The following WDPCP variants were observed in gnomAD, a reference collection of about 807,000 sequenced individuals.
WDPCP encodes WD repeat-containing and planar cell polarity effector protein fritz homolog.
In WDPCP, 71 loss-of-function variants were observed where a neutral mutation model predicts 93.1. That is an observed-to-expected ratio of 0.76 (90% confidence interval 0.63 to 0.93). The LOEUF (loss-of-function observed/expected upper bound fraction) is 0.93. WDPCP is among the 40% of genes least tolerant of loss of function. WDPCP has a pLI of 0.00. For missense variants in WDPCP, 844 were observed against 887.4 expected, an observed-to-expected ratio of 0.95 and a Z score of 0.62; for synonymous variants, 315 against 315.0, an observed-to-expected ratio of 1.00 and a Z score of 0.00.
chr2:63,229,869 ATGC>A (rs34000295), intron 14 of WDPCP: 15,348 of 156,004 alleles, frequency 0.098, 871 homozygotes, highest in South Asian at 0.13. Context: ...AGGTAGCATG[ATGC>A]CTTGTTCTCC....
intron 2 of WDPCP, among the ~76,000 whole-genome samples, chr2:63,670,508 C>T (rs1441168377): frequency 1.3e-5 from 2 of 152,078 alleles, no homozygotes; most frequent in Non-Finnish European, 2.9e-5. Flanking sequence ...CCTTGAATGC[C>T]AGGTCTGGGA....
chr2:63,219,840 T>A lies in WDPCP; in HGVS notation c.1915+39467A>T, dbSNP rs1677665403. On this transcript the variant is annotated intron_variant, in intron 14 of 17. Transcript: ENST00000272321. ...CAATATGGTGAAACCCAATCTCTAC[T>A]GAAAATACAAAAATTAGCCGGGGGT... 2.0e-5 allele frequency among the ~76,000 whole-genome samples: 3 copies of A among 151,854 alleles called. No homozygotes were observed. The South Asian group carries it at 6.3e-4, about 32-fold the overall frequency.
intron 2 of WDPCP, among the ~76,000 whole-genome samples, chr2:63,705,925 G>A (rs1283269338): frequency 6.6e-6 from 1 of 152,132 alleles, no homozygotes; most frequent in Middle Eastern, 3.4e-3. Context: ...TTATTGTGTG[G>A]GAGTCTAAGT....
intron 2 of WDPCP, among the ~76,000 whole-genome samples, chr2:63,657,274 G>A (rs1338872519): frequency 1.5e-5 from 2 of 137,300 alleles, no homozygotes; most frequent in African/African-American, 2.8e-5. Context: ...GCCCGATCTC[G>A]ACTCACTGCA....
At chr2:63,774,565 C>T (rs548664641) in intron 2 of WDPCP, among the ~76,000 whole-genome samples, 4 of 152,202 alleles carry the variant, frequency 2.6e-5, no homozygotes, top group African/African-American at 9.6e-5. Context: ...TGTTCTACTG[C>T]TATTTTCACT....
intron 13 of WDPCP, among the ~76,000 whole-genome samples, chr2:63,289,867 C>T (rs1004549624): frequency 6.6e-6 from 1 of 151,566 alleles, no homozygotes; most frequent in Non-Finnish European, 1.5e-5. Context: ...TCTGGTGATA[C>T]TTTCTTTGTT....
At chr2:63,497,481 T>A (rs1701302644) in intron 1 of WDPCP, among the ~76,000 whole-genome samples, 1 of 152,170 alleles carries the variant, frequency 6.6e-6, no homozygotes, top group South Asian at 2.1e-4. Context: ...GGGTTATTCA[T>A]CCTTCTTTTT....
chr2:63,538,505 A>G (rs1396195475), intron 1 of WDPCP, among the ~76,000 whole-genome samples: 1 of 152,160 alleles, frequency 6.6e-6, no homozygotes, highest in African/African-American at 2.4e-5. Context: ...TGCACATTCT[A>G]TGGGAGAGAA....
intron 14 of WDPCP, among the ~76,000 whole-genome samples, chr2:63,238,082 G>A (rs1005400897): frequency 5.3e-5 from 8 of 151,616 alleles, no homozygotes; most frequent in African/African-American, 1.9e-4. Flanking sequence ...ATGGCAGGTG[G>A]TATATCATGT....
At chr2:63,403,986 C>T (rs778229874) in intron 10 of WDPCP, 62 bp downstream of exon 10, 4 of 1,601,778 alleles carry the variant, frequency 2.5e-6, no homozygotes, top group South Asian at 1.1e-5. Flanking sequence ...AGTTTTATTG[C>T]CTTAATTATG....
At chr2:63,453,119 T>C (rs951923020) in intron 6 of WDPCP, among the ~76,000 whole-genome samples, 2 of 152,204 alleles carry the variant, frequency 1.3e-5, no homozygotes, top group Admixed American at 6.5e-5. Flanking sequence ...AAAGAGCTTC[T>C]GCACAGCAAA....
intron 13 of WDPCP, among the ~76,000 whole-genome samples, chr2:63,281,596 C>T (rs1027936892): frequency 2.6e-5 from 4 of 151,914 alleles, no homozygotes; most frequent in Non-Finnish European, 5.9e-5. Flanking sequence ...AATCAACGAG[C>T]GGATAAAGAA....
At chr2:63,328,947 C>T (rs185912910) in intron 12 of WDPCP, among the ~76,000 whole-genome samples, 9 of 152,160 alleles carry the variant, frequency 5.9e-5, no homozygotes, top group Admixed American at 1.3e-4. Context: ...AGGCTGGTCT[C>T]GAACTCCTGG....
intron 2 of WDPCP, among the ~76,000 whole-genome samples, chr2:63,799,802 G>A (rs768021284): frequency 6.6e-6 from 1 of 152,118 alleles, no homozygotes; most frequent in Admixed American, 6.5e-5. Context: ...GTCAGAGAGT[G>A]TTGGTCAGTA....
At chr2:63,797,404 C>T (rs546961154) in intron 2 of WDPCP, among the ~76,000 whole-genome samples, 72 of 152,152 alleles carry the variant, frequency 4.7e-4, no homozygotes, top group East Asian at 1.6e-3. Flanking sequence ...GATTCTAGAC[C>T]ATGGCCCCTG....
At chr2:63,279,269 A>G (rs974106342) in intron 13 of WDPCP, among the ~76,000 whole-genome samples, 9 of 152,364 alleles carry the variant, frequency 5.9e-5, no homozygotes, top group African/African-American at 2.2e-4. Context: ...ACAGCCTATC[A>G]AAAAGATAAT....
intron 12 of WDPCP, among the ~76,000 whole-genome samples, chr2:63,373,323 C>T (rs979860851): frequency 6.7e-6 from 1 of 149,702 alleles, no homozygotes; most frequent in Non-Finnish European, 1.5e-5. Context: ...GAACAAGGCT[C>T]ACTGCAGACT....
chr2:63,740,589 C>G (rs1054053109), intron 2 of WDPCP, among the ~76,000 whole-genome samples: 1 of 152,078 alleles, frequency 6.6e-6, no homozygotes, highest in Non-Finnish European at 1.5e-5. Context: ...GTTTTTAAGC[C>G]ACAAAGTATA....
intron 2 of WDPCP, among the ~76,000 whole-genome samples, chr2:63,697,988 G>T (rs758846040): frequency 7.7e-6 from 1 of 129,956 alleles, no homozygotes; most frequent in East Asian, 2.4e-4. Flanking sequence ...TCGCTCTGTC[G>T]CCTGTTGCCC....
Sources: gnomAD v4.1 joint callset for allele counts (sites outside exome capture counted in the v4.1 genomes callset) on GRCh38, gnomAD v4.1.1 for gene constraint, MANE v1.5 for transcripts, NCBI Gene and HGNC (gene_info 2026-07-23, HGNC 2026-07-21) for gene names.